Variants in GALNTL6 observed in about 807,000 individuals in gnomAD.
GALNTL6 encodes polypeptide N-acetylgalactosaminyltransferase-like 6.
GALNTL6 carries 46 observed loss-of-function variants against 73.7 expected under a neutral mutation model. That is an observed-to-expected ratio of 0.62 (90% CI 0.49 to 0.80). GALNTL6 has a LOEUF of 0.80. Among genes scored for constraint, GALNTL6 ranks in the 30% least tolerant of loss-of-function variants. The probability of loss-of-function intolerance (pLI) is 0.00; values close to 1 mark genes in which losing one functional copy is unlikely to be tolerated. For missense variants in GALNTL6, 604 were observed against 755.0 expected (o/e 0.80, Z 2.34); for synonymous variants, 259 against 263.7 (o/e 0.98, Z 0.17).
At chr4:172,438,185 A>C (rs1244898816) in intron 5 of GALNTL6, among the ~76,000 whole-genome samples, 2 of 152,096 alleles carry the variant, frequency 1.3e-5, no homozygotes, top group Non-Finnish European at 2.9e-5. Context: ...TATTTACAAT[A>C]ATCATCTTTA....
intron 7 of GALNTL6, among the ~76,000 whole-genome samples, chr4:172,820,804 G>A (rs1206489905): frequency 6.6e-6 from 1 of 152,136 alleles, no homozygotes; most frequent in Non-Finnish European, 1.5e-5. Context: ...TCAAATTGAT[G>A]CATAAAAATA....
chr4:172,077,662 T>C (rs1242622638), intron 2 of GALNTL6, among the ~76,000 whole-genome samples: 1 of 152,138 alleles, frequency 6.6e-6, no homozygotes, highest in East Asian at 1.9e-4. Context: ...GGAAACAGCA[T>C]AAAAGTTTGG....
At chr4:171,912,038 C>G (rs1737488857) in intron 2 of GALNTL6, among the ~76,000 whole-genome samples, 1 of 152,040 alleles carries the variant, frequency 6.6e-6, no homozygotes, top group Admixed American at 6.6e-5. Flanking sequence ...TAGAATTCTT[C>G]TGCTTAATCT....
intron 5 of GALNTL6, among the ~76,000 whole-genome samples, chr4:172,533,364 G>A (rs1442426581): frequency 5.4e-5 from 6 of 111,008 alleles, no homozygotes; most frequent in African/African-American, 1.5e-4. Flanking sequence ...TCGCTCTGTC[G>A]CCCAGGCTGG....
intron 2 of GALNTL6, among the ~76,000 whole-genome samples, chr4:172,008,733 G>C (rs999911644): frequency 1.3e-5 from 2 of 151,952 alleles, no homozygotes; most frequent in Non-Finnish European, 2.9e-5. Context: ...TGTTTTTCAG[G>C]CTTTAGACTC....
chr4:172,287,589 T>C (rs566867675), intron 3 of GALNTL6, among the ~76,000 whole-genome samples: 2 of 152,302 alleles, frequency 1.3e-5, no homozygotes, highest in African/African-American at 4.8e-5. Context: ...ACTTGCCAAG[T>C]CTTTCAGACC....
chr4:173,023,155 A>T (rs2126520312), intron 12 of GALNTL6, among the ~76,000 whole-genome samples: 1 of 152,286 alleles, frequency 6.6e-6, no homozygotes, highest in East Asian at 1.9e-4. Flanking sequence ...AAGCTAAAGG[A>T]GAGAAGTGGT....
At chr4:172,270,349 C>G (rs1738600282) in intron 3 of GALNTL6, among the ~76,000 whole-genome samples, 1 of 152,082 alleles carries the variant, frequency 6.6e-6, no homozygotes, top group African/African-American at 2.4e-5. Context: ...ATTGACCATT[C>G]TGGAAACTAA....
intron 7 of GALNTL6, among the ~76,000 whole-genome samples, chr4:172,856,270 G>A (rs1257453276): frequency 6.6e-6 from 1 of 152,158 alleles, no homozygotes; most frequent in Non-Finnish European, 1.5e-5. Flanking sequence ...ATTAAAGCCA[G>A]CTCAAAAGCA....
At chr4:172,738,012 C>A (rs1358500388) in intron 5 of GALNTL6, among the ~76,000 whole-genome samples, 1 of 152,162 alleles carries the variant, frequency 6.6e-6, no homozygotes, top group African/African-American at 2.4e-5. Context: ...AGTTACAGAG[C>A]AGAGTTTCTG....
At chr4:172,928,262 G>A (rs141412994) in intron 8 of GALNTL6, among the ~76,000 whole-genome samples, 4 of 152,230 alleles carry the variant, frequency 2.6e-5, no homozygotes, top group East Asian at 1.9e-4. Flanking sequence ...AATTAAACAC[G>A]TGGACACTGA....
chr4:171,898,485 T>G (rs1653328327), intron 2 of GALNTL6, among the ~76,000 whole-genome samples: 1 of 152,080 alleles, frequency 6.6e-6, no homozygotes, highest in African/African-American at 2.4e-5. Context: ...TAAATAAATT[T>G]TTATATTTAT....
rs7340807 is a variant in GALNTL6 at position 172,929,813 on chromosome 4, C to T, written c.1042-1348C>T. Among the ~76,000 whole-genome samples the T allele has an allele frequency of 6.6e-5, 10 of 152,196 alleles. 1 individual carries two copies. Among genetic ancestry groups the T allele is most frequent in the African/African-American group, 2.4e-4 (10 of 41,542 alleles). On this transcript the variant is annotated intron_variant, in intron 8 of 12. Coordinates refer to ENST00000506823, the MANE Select transcript of GALNTL6 (RefSeq NM_001034845.3). ...TCTCTTTTTATAATCATTTATCTTA[C>T]AATAAAAATAGCTAAGACTATAGCC...
At chr4:172,333,548 G>A (rs1741205107) in intron 4 of GALNTL6, among the ~76,000 whole-genome samples, 1 of 152,162 alleles carries the variant, frequency 6.6e-6, no homozygotes, top group Non-Finnish European at 1.5e-5. Context: ...CCTGTTGGAT[G>A]AACAGTCTGC....
intron 2 of GALNTL6, among the ~76,000 whole-genome samples, chr4:172,077,015 G>T (rs1004782872): frequency 6.6e-6 from 1 of 152,290 alleles, no homozygotes; most frequent in African/African-American, 2.4e-5. Flanking sequence ...TGTGAAGAAG[G>T]TGCCTACTTC....
chr4:172,082,816 GA>G (rs1383100702), intron 2 of GALNTL6, among the ~76,000 whole-genome samples: 1 of 152,172 alleles, frequency 6.6e-6, no homozygotes, highest in Non-Finnish European at 1.5e-5. Flanking sequence ...TGAAAAATGA[GA>G]AAGGAGACAT....
chr4:172,265,960 AT>A (rs1246006995), intron 3 of GALNTL6, among the ~76,000 whole-genome samples: 1 of 152,108 alleles, frequency 6.6e-6, no homozygotes, highest in Non-Finnish European at 1.5e-5. Flanking sequence ...CCACATTAAA[AT>A]TTATTTTCTG....
At chr4:172,775,135 G>C (rs1178809097) in intron 5 of GALNTL6, among the ~76,000 whole-genome samples, 1 of 151,994 alleles carries the variant, frequency 6.6e-6, no homozygotes, top group Non-Finnish European at 1.5e-5. Flanking sequence ...TGTTTTTCTT[G>C]AGATGACCAA....
chr4:172,430,352 G>A (rs996029394), intron 5 of GALNTL6, among the ~76,000 whole-genome samples: 4 of 151,904 alleles, frequency 2.6e-5, no homozygotes, highest in African/African-American at 9.7e-5. Flanking sequence ...GACAGATGTG[G>A]GAATTCACCT....
Sources: gnomAD v4.1 joint callset for allele counts (sites outside exome capture counted in the v4.1 genomes callset) on GRCh38, gnomAD v4.1.1 for gene constraint, MANE v1.5 for transcripts, NCBI Gene and HGNC (gene_info 2026-07-23, HGNC 2026-07-21) for gene names.